Variants in TTLL8 observed in about 807,000 individuals in gnomAD.
TTLL8 encodes protein monoglycylase TTLL8.
A neutral mutation model predicts 77.8 loss-of-function variants in TTLL8; 65 were observed. The observed-to-expected ratio is 0.84, with a 90% CI of 0.68 to 1.03. The LOEUF (loss-of-function observed/expected upper bound fraction) is 1.03, where lower values mean the gene tolerates loss of function less well. Ranked by LOEUF, TTLL8 falls within the 50% of genes least tolerant of loss-of-function variation. The pLI is 0.00. For missense variants in TTLL8, 910 were observed against 1,004.5 expected, an observed-to-expected ratio of 0.91 and a Z score of 1.27; for synonymous variants, 402 against 422.8, an observed-to-expected ratio of 0.95 and a Z score of 0.60.
upstream of TTLL8, chr22:50,055,094 T>A (rs575328519): frequency 3.6e-6 from 4 of 1,125,362 alleles, no homozygotes; most frequent in Non-Finnish European, 4.5e-6. Context: ...AAAGGTAACA[T>A]GAGCCAAGTC....
At chr22:50,023,433 C>T (rs1367091188) in intron 12 of TTLL8, among the ~76,000 whole-genome samples, 4 of 152,134 alleles carry the variant, frequency 2.6e-5, no homozygotes, top group Non-Finnish European at 5.9e-5. Context: ...GCCTGTAATC[C>T]CAGCACTTTG....
chr22:50,031,021 A>C, intron 11 of TTLL8, 96 bp from the exon 13 acceptor site: 2 of 1,117,606 alleles, frequency 1.8e-6, no homozygotes, highest in Non-Finnish European at 2.3e-6. Context: ...GTCGGGGCAC[A>C]GACCCCCACC....
chr22:50,034,392 C>T lies in TTLL8; in HGVS notation c.992G>A (p.Trp331Ter), dbSNP rs754741616. 7.3e-7 allele frequency: 1 copy of T among 1,367,270 alleles called. No individual in the cohort carries two copies. The highest frequency in any genetic ancestry group is 4.5e-5 in the East Asian group (1 of 21,994). The allele number at this position is 1,367,270 out of a possible 1,614,324, so 84.7% of individuals were successfully genotyped here. Residue 331 changes from tryptophan to a stop codon, truncating the protein, a stop_gained, in exon 9 of 14, where the codon TGG becomes TAG. Transcript: ENST00000266182. LOFTEE classifies it high-confidence loss of function. The surrounding 1 kb of genome is among the most constrained non-coding windows in gnomAD (Gnocchi z 4.1). ...GGACTTGGCCGCGGGCTTTATAATC[C>T]AGATGTTCCGGAGCCCGTCAATGTC...
At chr22:50,031,704 G>C (rs745443823) in exon 11 of TTLL8, 1 of 1,315,882 alleles carries the variant, frequency 7.6e-7, no homozygotes, top group South Asian at 1.2e-5. Flanking sequence ...ACAGGAGCTC[G>C]AAGTTGCCGA....
upstream of TTLL8, chr22:50,056,709 C>T (rs1318811132): frequency 5.1e-6 from 5 of 979,040 alleles, no homozygotes; most frequent in South Asian, 4.7e-5. The surrounding 1 kb of genome is among the most constrained non-coding windows in gnomAD (Gnocchi z 4.1). Flanking sequence ...TGGGGTCCTC[C>T]GCCTGGACCG....
intron 12 of TTLL8, chr22:50,027,792 G>A (rs1260231738): frequency 4.3e-5 from 42 of 985,362 alleles, no homozygotes; most frequent in South Asian, 4.7e-5. Flanking sequence ...GCCTGAGGCC[G>A]AGGGGCACAT....
chr22:50,053,166 G>A (rs2061452775), intron 1 of TTLL8, among the ~76,000 whole-genome samples: 1 of 149,558 alleles, frequency 6.7e-6, no homozygotes, highest in South Asian at 2.1e-4. Context: ...AGGTTGCAGT[G>A]AGCCAAGACT....
chr22:50,049,402 G>T (rs2146694081), intron 2 of TTLL8, 80 bp from the exon 5 acceptor site: 1 of 1,338,568 alleles, frequency 7.5e-7, no homozygotes, highest in African/African-American at 1.5e-5. Context: ...CACAACCGCA[G>T]GCAGGACAGC....
exon 12 of TTLL8, chr22:50,030,914 C>T: frequency 1.5e-6 from 2 of 1,320,326 alleles, no homozygotes; most frequent in Non-Finnish European, 9.9e-7. Context: ...ATGGGGGCGG[C>T]TCAACCACCG....
At chr22:50,057,537 C>A (rs932901660), upstream of TTLL8, among the ~76,000 whole-genome samples, 1 of 11,282 alleles carries the variant, frequency 8.9e-5, no homozygotes, top group Non-Finnish European at 1.5e-4. Flanking sequence ...CTGGGTTGAG[C>A]GGGAGGTCTG....
upstream of TTLL8, among the ~76,000 whole-genome samples, chr22:50,057,941 TG>T (rs1298549654): frequency 6.8e-6 from 1 of 147,298 alleles, no homozygotes; most frequent in Non-Finnish European, 1.5e-5. Context: ...GCAGGTTTAG[TG>T]GGGGAGTTCT....
At chr22:50,028,272 C>T (rs144823885) in intron 12 of TTLL8, among the ~76,000 whole-genome samples, 10 of 152,322 alleles carry the variant, frequency 6.6e-5, no homozygotes, top group East Asian at 5.8e-4. Context: ...AGCTGCCTCC[C>T]GCTGGTGACC....
In TTLL8 at chr22:50,049,235, T is replaced by C. The variant is rs374513380; in HGVS notation, c.264+14A>G. The C allele has an allele frequency of 7.3e-7, 1 of 1,367,466 alleles. No individual in the cohort carries two copies. The highest frequency in any genetic ancestry group is 1.9e-5 in the Admixed American group (1 of 52,574). 84.7% of individuals were successfully genotyped at this position (1,367,466 alleles called of 1,614,324 possible). On this transcript the variant is annotated intron_variant, in intron 3 of 13. Coordinates refer to ENST00000266182, the Ensembl canonical transcript of TTLL8. ...AGAGGCCGCAGCTGACCATGACGCATGCAGGGGACGTACCATCACGTCGTG... is the reference window on the plus strand; with the variant it reads ...AGAGGCCGCAGCTGACCATGACGCACGCAGGGGACGTACCATCACGTCGTG...
intron 12 of TTLL8, chr22:50,027,672 G>A (rs1284512893): frequency 1.6e-5 from 16 of 985,322 alleles, no homozygotes; most frequent in South Asian, 4.7e-5. Flanking sequence ...CCTGCTGGCC[G>A]GACTGGGCCT....
intron 6 of TTLL8, among the ~76,000 whole-genome samples, chr22:50,043,329 GGATA>G (rs1470762134): frequency 3.5e-5 from 3 of 86,012 alleles, no homozygotes; most frequent in Admixed American, 1.2e-4. Flanking sequence ...GTAGATGGAT[GGATA>G]GATAAACAGT....
exon 11 of TTLL8, chr22:50,031,694 A>G (rs1027819815): frequency 6.9e-6 from 9 of 1,298,826 alleles, no homozygotes; most frequent in South Asian, 1.3e-5. Context: ...ACCTGCCTCC[A>G]CAGGAGCTCG....
Position 50,053,548 on chromosome 22 carries a change from A to T in TTLL8, c.51+1028T>A, listed in dbSNP as rs1022365742. Among the ~76,000 whole-genome samples, 34 of 152,264 alleles carry T rather than the reference A, an allele frequency of 2.2e-4. 1 individual carries two copies. Among genetic ancestry groups the T allele is most frequent in the Non-Finnish European group, 8.8e-5 (6 of 68,050 alleles). ...TGTAGCCTTAAATGTTTATACATTT[A>T]TAAACTTTAAAACATTTATGTTTAT... On this transcript the variant is annotated intron_variant, in intron 1 of 13. Transcript: ENST00000266182.
intron 3 of TTLL8, among the ~76,000 whole-genome samples, chr22:50,048,115 A>AGTGTGTGTGTGTGT (rs34500180): frequency 6.9e-6 from 1 of 145,640 alleles, no homozygotes; most frequent in African/African-American, 2.6e-5. Flanking sequence ...CCCCCAAAAA[A>AGTGTGTGTGTGTGT]GTGTGTGTGT....
At chr22:50,056,892 T>A (rs1000348934), upstream of TTLL8, 1 of 1,289,716 alleles carries the variant, frequency 7.8e-7, no homozygotes, top group African/African-American at 1.5e-5. The surrounding 1 kb of genome is among the most constrained non-coding windows in gnomAD (Gnocchi z 4.1). Context: ...CCCGTCTCCA[T>A]CTGAAGAAGA....
Sources: allele counts gnomAD v4.1 joint callset (sites outside exome capture counted in the v4.1 genomes callset), GRCh38; gene constraint gnomAD v4.1.1; non-coding constraint Gnocchi (gnomAD v3.1); transcripts MANE v1.5; gene names NCBI Gene and HGNC (gene_info 2026-07-23, HGNC 2026-07-21).